Variants in IGF1R observed in about 807,000 individuals in gnomAD.
IGF1R encodes the protein insulin-like growth factor 1 receptor.
A neutral mutation model predicts 144.6 loss-of-function variants in IGF1R; 44 were observed. That is an observed-to-expected ratio of 0.30 (90% CI 0.24 to 0.39). The LOEUF (loss-of-function observed/expected upper bound fraction) is 0.39, where lower values mean the gene tolerates loss of function less well. Among genes scored for constraint, IGF1R ranks in the 10% least tolerant of loss-of-function variants. The pLI, the probability that IGF1R is intolerant of heterozygous loss-of-function variation, is 1.00. For synonymous variants in IGF1R, 795 were observed against 722.8 expected (o/e 1.10, Z -1.60); for missense variants, 1,355 against 1,833.7 (o/e 0.74, Z 4.77).
intron 2 of IGF1R, among the ~76,000 whole-genome samples, chr15:98,765,417 T>C (rs574457295): frequency 6.6e-6 from 1 of 150,792 alleles, no homozygotes; most frequent in Non-Finnish European, 1.5e-5. Context: ...CAAGTGATTC[T>C]TGTGCCTCAG....
At chr15:98,784,715 TA>T (rs201138098) in intron 2 of IGF1R, among the ~76,000 whole-genome samples, 22 of 151,368 alleles carry the variant, frequency 1.5e-4, no homozygotes, top group African/African-American at 1.9e-4. Context: ...GGAAAAACAG[TA>T]AAAAAAAATT....
At chr15:98,779,945 T>G (rs2141390425) in intron 2 of IGF1R, among the ~76,000 whole-genome samples, 1 of 152,294 alleles carries the variant, frequency 6.6e-6, no homozygotes, top group East Asian at 1.9e-4. Context: ...CCTTTTCAGC[T>G]GTGACCATTG....
chr15:98,812,313 G>C (rs1335996925), intron 2 of IGF1R, among the ~76,000 whole-genome samples: 1 of 151,540 alleles, frequency 6.6e-6, no homozygotes, highest in African/African-American at 2.4e-5. Context: ...GCTGTGAGCT[G>C]TGTCACCATT....
chr15:98,654,291 G>A (rs1002376250), intron 1 of IGF1R, among the ~76,000 whole-genome samples: 10 of 152,086 alleles, frequency 6.6e-5, no homozygotes, highest in Non-Finnish European at 2.9e-5. Flanking sequence ...CATTGGATAT[G>A]GCAATTGTGA....
At chr15:98,928,122 T>C (rs2015794008) in intron 13 of IGF1R, among the ~76,000 whole-genome samples, 1 of 152,096 alleles carries the variant, frequency 6.6e-6, no homozygotes, top group African/African-American at 2.4e-5. Context: ...CTCTTAAATG[T>C]CTCTGGAATC....
intron 3 of IGF1R, among the ~76,000 whole-genome samples, chr15:98,895,016 G>A (rs1471529135): frequency 7.9e-6 from 1 of 127,166 alleles, no homozygotes; most frequent in Admixed American, 8.9e-5. Flanking sequence ...GTGAGACCCT[G>A]TCTCAAAAAA....
At chr15:98,665,181 G>A (rs1438267824) in intron 1 of IGF1R, among the ~76,000 whole-genome samples, 7 of 152,242 alleles carry the variant, frequency 4.6e-5, no homozygotes, top group Admixed American at 4.6e-4. Context: ...TTGATCTCCT[G>A]ACCTTGTGAT....
chr15:98,894,027 C>T (rs1311755738), intron 3 of IGF1R, among the ~76,000 whole-genome samples: 3 of 152,130 alleles, frequency 2.0e-5, no homozygotes, highest in Non-Finnish European at 4.4e-5. Context: ...TTTTTAAGTG[C>T]TTGATGACTC....
At chr15:98,818,288 G>T (rs1210334036) in intron 2 of IGF1R, among the ~76,000 whole-genome samples, 2 of 152,096 alleles carry the variant, frequency 1.3e-5, no homozygotes, top group Non-Finnish European at 2.9e-5. Flanking sequence ...TATTAGATGG[G>T]ACCAGAGCAG....
chr15:98,846,059 T>C (rs1178452306), intron 2 of IGF1R, among the ~76,000 whole-genome samples: 1 of 152,182 alleles, frequency 6.6e-6, no homozygotes, highest in Non-Finnish European at 1.5e-5. Context: ...CAGTAATAAT[T>C]TTTCATTTCT....
intron 18 of IGF1R, among the ~76,000 whole-genome samples, chr15:98,939,926 G>A (rs2016303897): frequency 1.3e-5 from 2 of 152,216 alleles, no homozygotes; most frequent in Middle Eastern, 3.4e-3. Context: ...CCAAGCTCTC[G>A]ACCACTCTCT....
intron 1 of IGF1R, among the ~76,000 whole-genome samples, chr15:98,685,459 A>G (rs142545309): frequency 4.6e-5 from 7 of 152,180 alleles, no homozygotes; most frequent in African/African-American, 1.7e-4. Context: ...GGTTAATAAT[A>G]ATCTAGGGCA....
intron 2 of IGF1R, among the ~76,000 whole-genome samples, chr15:98,796,596 T>A (rs145188531): frequency 1.3e-5 from 2 of 152,344 alleles, no homozygotes; most frequent in East Asian, 3.9e-4. Context: ...ACTACCTGTA[T>A]GGTCTTTGCG....
intron 2 of IGF1R, among the ~76,000 whole-genome samples, chr15:98,760,050 G>A (rs928325860): frequency 6.6e-6 from 1 of 151,982 alleles, no homozygotes; most frequent in African/African-American, 2.4e-5. Flanking sequence ...TTTTTAAATT[G>A]AGCATCTGAC....
chr15:98,696,757 C>T (rs2053605588), intron 1 of IGF1R, among the ~76,000 whole-genome samples: 1 of 152,108 alleles, frequency 6.6e-6, no homozygotes, highest in African/African-American at 2.4e-5. Flanking sequence ...GAAAGGTCTT[C>T]AGGTGATTTT....
At chr15:98,744,461 A>AGG (rs2054817650) in intron 2 of IGF1R, among the ~76,000 whole-genome samples, 1 of 151,980 alleles carries the variant, frequency 6.6e-6, no homozygotes, top group East Asian at 1.9e-4. Flanking sequence ...TACTGTGGGG[A>AGG]GGGGAGGAAC....
Position 98,916,749 on chromosome 15 carries a change from T to C in IGF1R, c.2074T>C (p.Cys692Arg). Residue 692 changes from cysteine (C) to arginine (R), a missense_variant, in exon 10 of 21, where the codon TGT becomes CGT. Cys to Arg is a radical substitution (Grantham distance 180). Around this residue, in one of 7 missense-constraint regions of IGF1R, gnomAD observed 880 missense variants for 1,202.7 expected, o/e 0.73. Coordinates refer to ENST00000650285, the MANE Select transcript of IGF1R (RefSeq NM_000875.5). ...EVTENPKTEV[C>R]GGEKGPCCAC... ...CACAGAGAACCCCAAGACTGAGGTG[T>C]GTGGTGGGGAGAAAGGGCCTTGCTG... is the stretch of plus-strand genomic sequence containing the variant. 1 of 1,613,718 alleles carries C rather than the reference T, an allele frequency of 6.2e-7. No individual in the cohort carries two copies. Among genetic ancestry groups the C allele is most frequent in the African/African-American group, 1.3e-5 (1 of 74,912 alleles).
At chr15:98,687,737 C>G (rs979102981) in intron 1 of IGF1R, among the ~76,000 whole-genome samples, 12 of 152,288 alleles carry the variant, frequency 7.9e-5, no homozygotes, top group Admixed American at 5.9e-4. Flanking sequence ...GCCAAAGCAT[C>G]CCCAGGTTGT....
At chr15:98,818,206 G>T (rs1348472275) in intron 2 of IGF1R, among the ~76,000 whole-genome samples, 1 of 152,186 alleles carries the variant, frequency 6.6e-6, no homozygotes, top group Non-Finnish European at 1.5e-5. Context: ...GAATTGGCAG[G>T]GTGGAGGTGG....
Sources: allele counts gnomAD v4.1 joint callset (sites outside exome capture counted in the v4.1 genomes callset), GRCh38; gene constraint gnomAD v4.1.1; regional missense constraint gnomAD v4.1.1; transcripts MANE v1.5; gene names NCBI Gene and HGNC (gene_info 2026-07-23, HGNC 2026-07-21).